Variants in FOCAD observed in about 807,000 individuals in gnomAD.
The protein encoded by FOCAD is KIAA1797.
In FOCAD, 198 loss-of-function variants were observed where a neutral mutation model predicts 225.6. The observed-to-expected ratio is 0.88, with a 90% confidence interval of 0.78 to 0.99. The LOEUF is 0.99. FOCAD is among the 50% of genes least tolerant of loss of function. The pLI, the probability that FOCAD is intolerant of heterozygous loss-of-function variation, is 0.00. For missense variants in FOCAD, 2,713 were observed against 2,123.6 expected, an observed-to-expected ratio of 1.28 and a Z score of -5.46; for synonymous variants, 897 against 755.0, an observed-to-expected ratio of 1.19 and a Z score of -3.08.
At chr9:20,797,301 C>T (rs1053028765) in intron 11 of FOCAD, among the ~76,000 whole-genome samples, 2 of 152,260 alleles carry the variant, frequency 1.3e-5, no homozygotes, top group South Asian at 4.1e-4. Context: ...GCAATGTGGG[C>T]TCCTTTTTGG....
At chr9:20,870,607 C>T (rs901871746) in intron 18 of FOCAD, among the ~76,000 whole-genome samples, 2 of 152,094 alleles carry the variant, frequency 1.3e-5, no homozygotes, top group Non-Finnish European at 2.9e-5. Context: ...TGTGGTAAAC[C>T]ACTCTCTTGT....
At position 20,728,067 on chromosome 9, in the gene FOCAD, C is replaced by A. The variant is rs1049917371; in HGVS notation, c.287+7533C>A. Among the ~76,000 whole-genome samples, 7 of 152,186 alleles carry A rather than the reference C, an allele frequency of 4.6e-5. 1 individual carries two copies. The highest frequency in any genetic ancestry group is 3.9e-4 in the Admixed American group (6 of 15,282). The stretch of plus-strand genomic sequence containing the variant: ...TTCATATACACAGTAGTAATTATGC[C>A]ATATTAACCTAGCAAAAACAGTCTG... On this transcript the variant is annotated intron_variant, in intron 4 of 43. Coordinates refer to ENST00000338382, the MANE Select transcript of FOCAD (RefSeq NM_001375567.1).
chr9:20,939,150 C>CAAAAAAAAAAAAAAAAAAAAAAA (rs565280892), intron 28 of FOCAD, among the ~76,000 whole-genome samples: 11 of 72,488 alleles, frequency 1.5e-4, no homozygotes, highest in Middle Eastern at 0.011. Context: ...ACTCTCTTCT[C>CAAAAAAAAAAAAAAAAAAAAAAA]AAAAAAAAAA....
chr9:20,791,684 C>T (rs1024940719), intron 11 of FOCAD, among the ~76,000 whole-genome samples: 2 of 152,120 alleles, frequency 1.3e-5, no homozygotes, highest in Non-Finnish European at 2.9e-5. Flanking sequence ...TTGCTTAGGT[C>T]ATGTGTTTAC....
Position 20,946,789 on chromosome 9 carries a change from A to T in FOCAD, c.3644A>T (p.Lys1215Met). ...EATEAEDVMNKLRLLVENSQQ... is the reference protein window; with the variant it reads ...EATEAEDVMNMLRLLVENSQQ... ...ACAGAGGCTGAGGATGTTATGAACA[A>T]GCTTCGACTGTTAGTGGAGAATAGC... is the stretch of plus-strand genomic sequence containing the variant. Residue 1215 changes from lysine (K) to methionine (M), a missense_variant, in exon 30 of 44, where the codon AAG (lysine) becomes ATG (methionine). By Grantham distance (95) the Lys-to-Met change is moderately conservative (BLOSUM62 -1). Transcript: ENST00000338382. 3 of 1,613,862 alleles carry T rather than the reference A, an allele frequency of 1.9e-6. No individual in the cohort carries two copies. The highest frequency in any genetic ancestry group is 2.2e-5 in the East Asian group (1 of 44,872).
At chr9:20,792,006 C>G (rs1046847536) in intron 11 of FOCAD, among the ~76,000 whole-genome samples, 1 of 152,184 alleles carries the variant, frequency 6.6e-6, no homozygotes, top group Non-Finnish European at 1.5e-5. Context: ...GTTGTCTTAG[C>G]TCAGGCTGCC....
chr9:20,753,004 G>C lies in FOCAD; in HGVS notation c.393-5086G>C, dbSNP rs891780288. ...AGAATGCTTGTGATTTTTGTACATT[G>C]ATTTTGTATCCTGAGACTTTGCTGA... On this transcript the variant is annotated intron_variant, in intron 5 of 43. Coordinates refer to ENST00000338382, the MANE Select transcript of FOCAD (RefSeq NM_001375567.1). Among the ~76,000 whole-genome samples the C allele has an allele frequency of 1.4e-3, 208 of 151,580 alleles. 1 individual carries two copies. Among genetic ancestry groups the C allele is most frequent in the African/African-American group, 4.9e-3 (204 of 41,310 alleles).
intron 11 of FOCAD, among the ~76,000 whole-genome samples, chr9:20,794,931 A>G (rs1820896023): frequency 6.6e-6 from 1 of 152,240 alleles, no homozygotes; most frequent in Admixed American, 6.5e-5. Flanking sequence ...CTTACTCTCA[A>G]GAATATATTC....
At chr9:20,992,362 C>T (rs934766240) in intron 42 of FOCAD, among the ~76,000 whole-genome samples, 1 of 152,144 alleles carries the variant, frequency 6.6e-6, no homozygotes, top group Non-Finnish European at 1.5e-5. Context: ...CACAACTGTT[C>T]TCATCTACAG....
chr9:20,749,759 C>T (rs1198674508), intron 5 of FOCAD, among the ~76,000 whole-genome samples: 1 of 152,174 alleles, frequency 6.6e-6, no homozygotes, highest in African/African-American at 2.4e-5. Flanking sequence ...CAAATCATAG[C>T]TTTCCTATAT....
At position 20,753,806 on chromosome 9, in the gene FOCAD, G is replaced by A. The variant is rs1005433755; in HGVS notation, c.393-4284G>A. 4.7e-5 allele frequency among the ~76,000 whole-genome samples: 7 copies of A among 150,198 alleles called. No homozygotes were observed. The East Asian group carries it at 7.7e-4, about 17-fold the overall frequency. On this transcript the variant is annotated intron_variant, in intron 5 of 43. Transcript: ENST00000338382. ...ATATATTAATATAAATAATAATAACGATGATAATGTGCAGTGTTTGTGTTT... is the reference window on the plus strand; with the variant it reads ...ATATATTAATATAAATAATAATAACAATGATAATGTGCAGTGTTTGTGTTT...
chr9:20,755,037 G>T (rs1172670462), intron 5 of FOCAD, among the ~76,000 whole-genome samples: 1 of 152,106 alleles, frequency 6.6e-6, no homozygotes, highest in Admixed American at 6.6e-5. Context: ...TTGATTATAG[G>T]TTAGTATACT....
intron 25 of FOCAD, among the ~76,000 whole-genome samples, chr9:20,925,560 T>G (rs907590011): frequency 1.3e-5 from 2 of 152,236 alleles, no homozygotes; most frequent in Admixed American, 6.5e-5. Context: ...TATTCAAACC[T>G]GCATGTGACC....
rs189125852 is a variant in FOCAD, at chr9:20,737,316, G to C, written c.288-2920G>C. On this transcript the variant is annotated intron_variant, in intron 4 of 43. Transcript: ENST00000338382. Reference sequence around the variant, plus strand: ...AGGACACCATAAAAACCATAGATCTGTTATCTGTTATCTCTAGAACTCTAG... The same window carrying C: ...AGGACACCATAAAAACCATAGATCTCTTATCTGTTATCTCTAGAACTCTAG... 1.5e-3 allele frequency among the ~76,000 whole-genome samples: 224 copies of C among 152,266 alleles called. 2 individuals carry two copies. Among genetic ancestry groups the C allele is most frequent in the African/African-American group, 5.1e-3 (213 of 41,556 alleles).
In FOCAD at chr9:20,770,241, A is replaced by G. The variant is rs554045140; in HGVS notation, c.906+3A>G. 5.6e-6 allele frequency: 9 copies of G among 1,611,740 alleles called. 1 individual carries two copies. The highest frequency in any genetic ancestry group is 1.3e-5 in the African/African-American group (1 of 74,992). On this transcript the variant is annotated splice_donor_region_variant and intron_variant, in intron 8 of 43. Coordinates refer to ENST00000338382, the MANE Select transcript of FOCAD (RefSeq NM_001375567.1). ...ACAGTGTTGAACTTCTGAAGGAGGT[A>G]AGGATAGTAGTATATTATACTGTTC...
intron 11 of FOCAD, among the ~76,000 whole-genome samples, chr9:20,796,735 A>G (rs1252186330): frequency 2.6e-5 from 4 of 152,090 alleles, no homozygotes; most frequent in African/African-American, 4.8e-5. Context: ...AGATGAGTAG[A>G]TTGCAAAATT....
At chr9:20,668,316 A>G (rs7856578) in intron 2 of FOCAD, among the ~76,000 whole-genome samples, 30,729 of 152,108 alleles carry the variant, frequency 0.2, 3,276 homozygotes, top group African/African-American at 0.27. Context: ...AGAGAAGCAA[A>G]GTGAAGGACA....
intron 15 of FOCAD, among the ~76,000 whole-genome samples, chr9:20,835,368 T>C (rs1306845730): frequency 6.6e-6 from 1 of 152,112 alleles, no homozygotes; most frequent in East Asian, 1.9e-4. Context: ...TTTGGAGATA[T>C]TCTTTCATTT....
At chr9:20,916,166 C>G (rs181987269) in intron 23 of FOCAD, among the ~76,000 whole-genome samples, 1 of 151,794 alleles carries the variant, frequency 6.6e-6, no homozygotes, top group Admixed American at 6.6e-5. Context: ...ATAAAACCTT[C>G]GAATTTATAA....
Sources: allele counts gnomAD v4.1 joint callset (sites outside exome capture counted in the v4.1 genomes callset), GRCh38; gene constraint gnomAD v4.1.1; transcripts MANE v1.5; gene names NCBI Gene and HGNC (gene_info 2026-07-23, HGNC 2026-07-21).